Variants in GLDC observed in about 807,000 individuals in gnomAD.
GLDC encodes glycine dehydrogenase (decarboxylating), mitochondrial.
In GLDC, 104 loss-of-function variants were observed where a neutral mutation model predicts 121.3. The ratio of observed to expected loss-of-function variants is 0.86; its 90% confidence interval spans 0.73 to 1.01. The LOEUF is 1.01. Ranked by LOEUF, GLDC falls within the 50% of genes least tolerant of loss-of-function variation. The pLI is 0.00. For synonymous variants in GLDC, 546 were observed against 480.6 expected (o/e 1.14, Z -1.78); for missense variants, 1,429 against 1,306.6 (o/e 1.09, Z -1.44).
At chr9:6,611,473 T>A (rs577246746) in intron 3 of GLDC, among the ~76,000 whole-genome samples, 1 of 152,044 alleles carries the variant, frequency 6.6e-6, no homozygotes, top group Non-Finnish European at 1.5e-5. Flanking sequence ...GGAGAATCGC[T>A]TGAACCCGCG....
Position 6,599,631 on chromosome 9 carries a change from G to C in GLDC, c.1155+2478C>G, listed in dbSNP as rs559101979. On this transcript the variant is annotated intron_variant, in intron 8 of 24. Transcript: ENST00000321612. The stretch of plus-strand genomic sequence containing the variant: ...AGCTACTCAGGAGGCTGAGGCAAGA[G>C]AATCGCTGGAAACTGGAAGGCAGAG... Among the ~76,000 whole-genome samples, 9 of 150,350 alleles carry C rather than the reference G, an allele frequency of 6.0e-5. No homozygotes were observed. The South Asian group carries it at 1.3e-3, about 21-fold the overall frequency.
chr9:6,571,380 C>G (rs10815446), intron 15 of GLDC, among the ~76,000 whole-genome samples: 80,804 of 151,996 alleles, frequency 0.53, 21,947 homozygotes, highest in African/African-American at 0.59. Flanking sequence ...GGCACAGTTA[C>G]AGATTAACAA....
intron 23 of GLDC, 162 bp downstream of exon 23, chr9:6,535,902 G>T (rs1241019048): frequency 2.9e-6 from 2 of 695,488 alleles, no homozygotes; most frequent in South Asian, 3.2e-5. Context: ...TGTTCAAGAC[G>T]ATGGAAACTT....
chr9:6,604,808 G>C lies in GLDC; in HGVS notation c.862-24C>G, dbSNP rs143441549. 6.8e-5 allele frequency: 108 copies of C among 1,589,714 alleles called. No individual in the cohort carries two copies. The East Asian group carries it at 2.3e-3, about 34-fold the overall frequency. On this transcript the variant is annotated intron_variant, in intron 6 of 24. Coordinates refer to ENST00000321612, the MANE Select transcript of GLDC (RefSeq NM_000170.3). ...CTCTAGAAAGGAAGTGAGAGAAAAG[G>C]AACAAGGTTGCTACCTTTCCCTGAG...
At chr9:6,644,356 C>T (rs1819695034) in intron 2 of GLDC, among the ~76,000 whole-genome samples, 2 of 151,982 alleles carry the variant, frequency 1.3e-5, no homozygotes, top group African/African-American at 4.8e-5. Flanking sequence ...CTACAAAACG[C>T]AGGGGAAGCT....
At chr9:6,585,864 G>C (rs5001002) in intron 15 of GLDC, among the ~76,000 whole-genome samples, 40,258 of 113,882 alleles carry the variant, frequency 0.35, 5,548 homozygotes, top group Middle Eastern at 0.4. Flanking sequence ...ATGTATGTAT[G>C]TATGTATCTA....
At chr9:6,602,892 A>G (rs1376193876) in intron 7 of GLDC, among the ~76,000 whole-genome samples, 1 of 152,232 alleles carries the variant, frequency 6.6e-6, no homozygotes, top group South Asian at 2.1e-4. Flanking sequence ...CGGACTGAAA[A>G]CATTCAAAAA....
intron 2 of GLDC, among the ~76,000 whole-genome samples, chr9:6,633,205 G>C (rs142468859): frequency 6.6e-6 from 1 of 152,102 alleles, no homozygotes; most frequent in African/African-American, 2.4e-5. Flanking sequence ...ACAGGGGTCC[G>C]TAACTCCCTG....
intron 15 of GLDC, among the ~76,000 whole-genome samples, chr9:6,586,347 C>T (rs1329468201): frequency 6.6e-6 from 1 of 152,000 alleles, no homozygotes; most frequent in African/African-American, 2.4e-5. Context: ...AGTCTCACCC[C>T]CTGGAGGTTA....
intron 10 of GLDC, 28 bp downstream of exon 10, chr9:6,592,823 T>G: frequency 6.2e-7 from 1 of 1,604,644 alleles, no homozygotes; most frequent in Non-Finnish European, 8.5e-7. Flanking sequence ...TTTGAAAAAC[T>G]GGTAAAAATA....
At chr9:6,575,520 C>A (rs371307764) in intron 15 of GLDC, among the ~76,000 whole-genome samples, 4 of 152,184 alleles carry the variant, frequency 2.6e-5, no homozygotes, top group African/African-American at 9.7e-5. Context: ...CACAAGCCCT[C>A]CAGGTGATTC....
At chr9:6,627,526 T>G (rs955329297) in intron 2 of GLDC, among the ~76,000 whole-genome samples, 13 of 152,154 alleles carry the variant, frequency 8.5e-5, no homozygotes, top group African/African-American at 2.7e-4. Flanking sequence ...CATGATAGCT[T>G]GGTAGTTATG....
intron 19 of GLDC, among the ~76,000 whole-genome samples, chr9:6,554,001 C>T (rs75815725): frequency 1.3e-5 from 2 of 151,622 alleles, no homozygotes; most frequent in Admixed American, 1.3e-4. Flanking sequence ...AAAAAAAAAA[C>T]AAGAAAGAAG....
rs1488336165 is a variant in GLDC, at chr9:6,592,828, A to G, written c.1401+23T>C. On this transcript the variant is annotated intron_variant, in intron 10 of 24. Coordinates refer to ENST00000321612, the MANE Select transcript of GLDC (RefSeq NM_000170.3). ...AATGTGAAAATTTGAAAAACTGGTA[A>G]AAATACTGAAAATTTGACTTACTGT... 5.0e-6 allele frequency: 8 copies of G among 1,608,192 alleles called. No individual in the cohort carries two copies. The East Asian group carries it at 1.8e-4, about 36-fold the overall frequency.
intron 2 of GLDC, chr9:6,639,215 G>T: frequency 1.1e-6 from 1 of 889,376 alleles, no homozygotes. Context: ...TAAAGGCCAA[G>T]AAGGCAGTGT....
chr9:6,589,315 A>G (rs745518635), intron 11 of GLDC, 23 bp from the exon 12 acceptor site: 8 of 1,436,340 alleles, frequency 5.6e-6, no homozygotes, highest in Non-Finnish European at 7.9e-6. Context: ...CACAGAGATG[A>G]TAGGGCCAGA....
In GLDC at chr9:6,588,769, C is replaced by A. The variant is rs77712643; in HGVS notation, c.1581-67G>T. On this transcript the variant is annotated intron_variant, in intron 12 of 24. Transcript: ENST00000321612. ...TATGAGTCCATGCACATCCTCCTGACATATAAGACACACCGAAATCTACTT... is the reference window on the plus strand; with the variant it reads ...TATGAGTCCATGCACATCCTCCTGAAATATAAGACACACCGAAATCTACTT... The A allele has an allele frequency of 4.5e-3, 4,117 of 919,546 alleles. 100 individuals carry two copies. The African/African-American group carries it at 0.057, about 13-fold the overall frequency. 57.0% of individuals were successfully genotyped at this position (919,546 alleles called of 1,614,324 possible).
At chr9:6,624,080 A>G (rs148665614) in intron 2 of GLDC, among the ~76,000 whole-genome samples, 1 of 152,340 alleles carries the variant, frequency 6.6e-6, no homozygotes, top group African/African-American at 2.4e-5. Flanking sequence ...TTTTTACAAT[A>G]CAGTAAGATA....
At chr9:6,631,361 G>A (rs906786024) in intron 2 of GLDC, among the ~76,000 whole-genome samples, 9 of 152,130 alleles carry the variant, frequency 5.9e-5, no homozygotes, top group African/African-American at 1.7e-4. Context: ...CTGATCACCC[G>A]AGAGATGCAT....
Sources: allele counts gnomAD v4.1 joint callset (sites outside exome capture counted in the v4.1 genomes callset), GRCh38; gene constraint gnomAD v4.1.1; transcripts MANE v1.5; gene names NCBI Gene and HGNC (gene_info 2026-07-23, HGNC 2026-07-21).